CCDC91: variants seen among roughly 807,000 people sequenced by gnomAD.
CCDC91 encodes coiled-coil domain-containing protein 91.
Under a neutral mutation model 63.2 loss-of-function variants are expected in CCDC91, and 48 were observed. That is an observed-to-expected ratio of 0.76 (90% CI 0.60 to 0.97). The LOEUF is 0.97. CCDC91 is among the 50% of genes least tolerant of loss of function. The pLI is 0.00. For missense variants in CCDC91, 500 were observed against 494.6 expected (o/e 1.01, Z -0.10); for synonymous variants, 167 against 165.8 (o/e 1.01, Z -0.06).
chr12:28,383,260 A>C (rs1406850121), intron 7 of CCDC91, among the ~76,000 whole-genome samples: 1 of 152,170 alleles, frequency 6.6e-6, no homozygotes, highest in East Asian at 1.9e-4. Flanking sequence ...CCCATAAGTT[A>C]ACATTTTCCT....
At chr12:28,497,010 C>T (rs1409197026) in intron 12 of CCDC91, among the ~76,000 whole-genome samples, 1 of 148,190 alleles carries the variant, frequency 6.7e-6, no homozygotes, top group Non-Finnish European at 1.5e-5. Flanking sequence ...TTGTGTTAAT[C>T]AACAGTGTTT....
chr12:28,198,550 C>T (rs74713063), intron 1 of CCDC91, among the ~76,000 whole-genome samples: 1,600 of 152,254 alleles, frequency 0.011, 33 homozygotes, highest in African/African-American at 0.036. Flanking sequence ...ATGGGCCACC[C>T]TGAATCAGAA....
chr12:28,221,728 C>G (rs920152693), intron 1 of CCDC91, among the ~76,000 whole-genome samples: 3 of 152,194 alleles, frequency 2.0e-5, no homozygotes, highest in Non-Finnish European at 4.4e-5. Flanking sequence ...TTCTTGCCAG[C>G]TATGTGTGAA....
At chr12:28,355,317 C>T (rs1592405030) in intron 6 of CCDC91, among the ~76,000 whole-genome samples, 1 of 152,132 alleles carries the variant, frequency 6.6e-6, no homozygotes, top group Non-Finnish European at 1.5e-5. Flanking sequence ...AGAGCCAATC[C>T]AATCAACAAA....
At chr12:28,289,015 G>T (rs1243420046) in intron 3 of CCDC91, among the ~76,000 whole-genome samples, 2 of 152,078 alleles carry the variant, frequency 1.3e-5, no homozygotes, top group Non-Finnish European at 2.9e-5. Context: ...ATTCCTGTGT[G>T]GTCAGTGATA....
At chr12:28,227,773 G>T in intron 1 of CCDC91, among the ~76,000 whole-genome samples, 1 of 151,844 alleles carries the variant, frequency 6.6e-6, no homozygotes, top group East Asian at 1.9e-4. Flanking sequence ...TTGCCTTATA[G>T]CCATTTTTTT....
intron 6 of CCDC91, among the ~76,000 whole-genome samples, chr12:28,349,110 T>C (rs1387901563): frequency 2.6e-5 from 4 of 152,212 alleles, no homozygotes; most frequent in Admixed American, 1.3e-4. Flanking sequence ...TTGAGTCTTC[T>C]ATTTTTATAG....
At chr12:28,246,728 C>A (rs1195668633) in intron 1 of CCDC91, among the ~76,000 whole-genome samples, 1 of 151,982 alleles carries the variant, frequency 6.6e-6, no homozygotes. Flanking sequence ...TGATAGAGAT[C>A]CAAGCCACAA....
At chr12:28,283,697 T>C (rs1405855360) in intron 3 of CCDC91, among the ~76,000 whole-genome samples, 1 of 152,152 alleles carries the variant, frequency 6.6e-6, no homozygotes, top group Admixed American at 6.5e-5. Context: ...AGTGTAAACA[T>C]GAAATTTGTG....
rs759551321 is a variant in CCDC91 at position 28,450,402 on chromosome 12, T to G, written c.908T>G (p.Leu303Ter). The G allele has an allele frequency of 6.2e-7, 1 of 1,611,408 alleles. No homozygotes were observed. The highest frequency in any genetic ancestry group is 2.2e-5 in the East Asian group (1 of 44,714). Residue 303 changes from leucine to a stop codon, truncating the protein, a stop_gained, in exon 10 of 13, where the codon TTA becomes TGA. Coordinates refer to ENST00000536442, the MANE Select transcript of CCDC91 (RefSeq NM_018318.5). LOFTEE classifies it high-confidence loss of function. Reference protein sequence around the residue: ...EEERQRNKEALVSAAKLEKEA... With the variant: ...EEERQRNKEA ...GAAAGGCAAAGAAATAAAGAGGCAT[T>G]AGTATCCGCTGCAAAGGTATTTCCA... is the stretch of plus-strand genomic sequence containing the variant.
chr12:28,447,758 GAGGGA>G (rs1565988164), intron 8 of CCDC91, among the ~76,000 whole-genome samples: 4 of 61,354 alleles, frequency 6.5e-5, no homozygotes, highest in Non-Finnish European at 8.9e-5. Context: ...GAGGGGAGGG[GAGGGA>G]AGGGAAGGGC....
intron 1 of CCDC91, among the ~76,000 whole-genome samples, chr12:28,192,877 A>T (rs1231226513): frequency 6.8e-6 from 1 of 146,730 alleles, no homozygotes; most frequent in Non-Finnish European, 1.5e-5. Context: ...CCAGACAAAT[A>T]ATATTCCCAT....
chr12:28,535,828 A>T (rs1251718696), intron 12 of CCDC91, among the ~76,000 whole-genome samples: 1 of 152,078 alleles, frequency 6.6e-6, no homozygotes, highest in South Asian at 2.1e-4. Flanking sequence ...GGAGATCAAG[A>T]CCATCCTGGC....
At chr12:28,294,502 T>C (rs556475479) in intron 3 of CCDC91, among the ~76,000 whole-genome samples, 1 of 152,238 alleles carries the variant, frequency 6.6e-6, no homozygotes, top group Admixed American at 6.5e-5. Context: ...AAAAGGTGCC[T>C]GCTTCCCCTT....
intron 3 of CCDC91, among the ~76,000 whole-genome samples, chr12:28,297,990 A>G (rs1402783766): frequency 6.6e-6 from 1 of 151,822 alleles, no homozygotes; most frequent in Non-Finnish European, 1.5e-5. Flanking sequence ...TGAATGTTAT[A>G]GGGCAGTCAC....
intron 11 of CCDC91, among the ~76,000 whole-genome samples, chr12:28,459,820 T>C (rs899284261): frequency 1.3e-4 from 20 of 152,146 alleles, no homozygotes; most frequent in Admixed American, 1.2e-3. Flanking sequence ...AACTATACCA[T>C]TCATGTAGAT....
chr12:28,362,280 T>TATATATATATATATA (rs1943940766), intron 6 of CCDC91, among the ~76,000 whole-genome samples, 158 bp from the exon 7 acceptor site: 1 of 131,722 alleles, frequency 7.6e-6, no homozygotes, highest in East Asian at 2.0e-4. Context: ...AAGCAAAGCT[T>TATATATATATATATA]TATATATATA....
rs1945935107 is a variant in CCDC91, at chr12:28,391,384, C to G, written c.735C>G (p.His245Gln). The G allele has an allele frequency of 2.5e-6, 4 of 1,611,032 alleles. No individual in the cohort carries two copies. Among genetic ancestry groups the G allele is most frequent in the Non-Finnish European group, 3.4e-6 (4 of 1,177,498 alleles). The change falls in exon 8 of 13, where the codon CAC (histidine) becomes CAG (glutamine). Residue 245 changes from histidine (H) to glutamine (Q), a missense_variant. Coordinates refer to ENST00000536442, the MANE Select transcript of CCDC91 (RefSeq NM_018318.5). ...QYISAIEKQA[H>Q]KCEELLNAQH... is the part of the protein sequence containing the mutation. ...TTTCTGCAATTGAGAAACAGGCACA[C>G]AAGTGTGAGGAGTTGCTAAATGCTC...
intron 12 of CCDC91, 66 bp from the exon 13 acceptor site, chr12:28,548,997 T>C: frequency 9.1e-7 from 1 of 1,099,818 alleles, no homozygotes; most frequent in South Asian, 1.3e-5. Flanking sequence ...AGAGACATAA[T>C]ATTCTTTATC....
Sources: gnomAD v4.1 joint callset for allele counts (sites outside exome capture counted in the v4.1 genomes callset) on GRCh38, gnomAD v4.1.1 for gene constraint, MANE v1.5 for transcripts, NCBI Gene and HGNC (gene_info 2026-07-23, HGNC 2026-07-21) for gene names.